Variants in SUFU observed in about 807,000 individuals in gnomAD.
The protein encoded by SUFU is SUFU negative regulator of hedgehog signaling, also known as suppressor of fused homolog.
SUFU carries 7 observed loss-of-function variants against 58.9 expected under a neutral mutation model. The observed-to-expected ratio is 0.12, with a 90% CI of 0.07 to 0.22. The LOEUF is 0.22. Among genes scored for constraint, SUFU ranks in the 10% least tolerant of loss-of-function variants. The pLI, the probability that SUFU is intolerant of heterozygous loss-of-function variation, is 1.00. For missense variants in SUFU, 451 were observed against 641.3 expected, an observed-to-expected ratio of 0.70 and a Z score of 3.20; for synonymous variants, 232 against 254.8, an observed-to-expected ratio of 0.91 and a Z score of 0.85.
intron 3 of SUFU, chr10:102,573,336 G>C (rs2063182251): frequency 2.2e-6 from 1 of 455,218 alleles, no homozygotes; most frequent in African/African-American, 2.0e-5. Context: ...ACAGAAAATA[G>C]TATGTTAGCA....
In SUFU at chr10:102,625,366, G is replaced by A. The variant is rs771238818; in HGVS notation, c.1297-1809G>A. On this transcript the variant is annotated intron_variant, in intron 10 of 11. Coordinates refer to ENST00000369902, the MANE Select transcript of SUFU (RefSeq NM_016169.4). This position sits in a 1 kb window ranked among gnomAD's most constrained non-coding sequence, Gnocchi z 4.7. ...TCGGGGCCCTAGCTCCTAGAACAGA[G>A]AGTTTGGTGAGGAGACGTGGACCAG... 2.0e-5 allele frequency among the ~76,000 whole-genome samples: 3 copies of A among 152,196 alleles called. No homozygotes were observed. Among genetic ancestry groups the A allele is most frequent in the Non-Finnish European group, 2.9e-5 (2 of 68,038 alleles).
chr10:102,580,948 G>A lies in SUFU; in HGVS notation c.455-11634G>A, dbSNP rs529206347. ...TGTAATCCCAGCACTCTGGGAGGCC[G>A]AGACAGGTGGATCACTTGAGGTCAG... On this transcript the variant is annotated intron_variant, in intron 3 of 11. Coordinates refer to ENST00000369902, the MANE Select transcript of SUFU (RefSeq NM_016169.4). 2.6e-5 allele frequency among the ~76,000 whole-genome samples: 4 copies of A among 152,076 alleles called. No individual in the cohort carries two copies. The South Asian group carries it at 8.3e-4, about 32-fold the overall frequency.
At chr10:102,553,618 C>T (rs577784801) in intron 3 of SUFU, among the ~76,000 whole-genome samples, 2 of 152,278 alleles carry the variant, frequency 1.3e-5, no homozygotes, top group East Asian at 1.9e-4. Flanking sequence ...CGCCCGCCAC[C>T]GCGCCCAGCT....
At chr10:102,545,428 C>T (rs11191328) in intron 2 of SUFU, among the ~76,000 whole-genome samples, 52,788 of 151,260 alleles carry the variant, frequency 0.35, 9,350 homozygotes, top group African/African-American at 0.39. Flanking sequence ...GCCACTGCAT[C>T]CAGCCAGGTT....
Position 102,599,423 on chromosome 10 carries a change from G to A in SUFU, c.911-10G>A, listed in dbSNP as rs747454071. On this transcript the variant is annotated splice_polypyrimidine_tract_variant and intron_variant, in intron 7 of 11. Transcript: ENST00000369902. ...CTGGGCCACTGGGCAACTTAGTGGT[G>A]TCGTTGCAGACACAGAGCAGATCCG... The A allele has an allele frequency of 1.9e-6, 3 of 1,608,896 alleles. No homozygotes were observed. The highest frequency in any genetic ancestry group is 1.7e-6 in the Non-Finnish European group (2 of 1,175,402).
At chr10:102,541,183 A>G (rs1269594938) in intron 2 of SUFU, among the ~76,000 whole-genome samples, 1 of 152,096 alleles carries the variant, frequency 6.6e-6, no homozygotes, top group Non-Finnish European at 1.5e-5. Flanking sequence ...AGTATGTGAA[A>G]GCATTATCAC....
chr10:102,534,997 A>C (rs2062719234), intron 2 of SUFU, among the ~76,000 whole-genome samples: 1 of 151,622 alleles, frequency 6.6e-6, no homozygotes, highest in Non-Finnish European at 1.5e-5. Flanking sequence ...GCCCACCTCC[A>C]CCCCCTACCC....
At chr10:102,583,059 C>T (rs887611629) in intron 3 of SUFU, among the ~76,000 whole-genome samples, 4 of 152,090 alleles carry the variant, frequency 2.6e-5, no homozygotes, top group African/African-American at 9.7e-5. Context: ...CAAGAGCTTC[C>T]CAGGGTGGGC....
chr10:102,517,956 C>A (rs779380794), intron 2 of SUFU, among the ~76,000 whole-genome samples: 2 of 152,118 alleles, frequency 1.3e-5, no homozygotes, highest in East Asian at 3.9e-4. Context: ...CTTAAAAATG[C>A]AGCATGTGCT....
At chr10:102,513,962 G>A (rs2062432845) in intron 2 of SUFU, among the ~76,000 whole-genome samples, 1 of 152,100 alleles carries the variant, frequency 6.6e-6, no homozygotes, top group African/African-American at 2.4e-5. Flanking sequence ...ACGGCTCACT[G>A]CAGCCTCAAC....
At chr10:102,588,505 T>C (rs1401492084) in intron 3 of SUFU, among the ~76,000 whole-genome samples, 1 of 152,228 alleles carries the variant, frequency 6.6e-6, no homozygotes, top group Non-Finnish European at 1.5e-5. Context: ...AGTGCCGCAC[T>C]GACTTGGTGA....
chr10:102,582,851 A>T (rs1216273003), intron 3 of SUFU, among the ~76,000 whole-genome samples: 1 of 152,174 alleles, frequency 6.6e-6, no homozygotes, highest in African/African-American at 2.4e-5. Context: ...TGGAATGGCG[A>T]CGTTCTTTCA....
chr10:102,557,044 G>T (rs559230001), intron 3 of SUFU, among the ~76,000 whole-genome samples: 1 of 151,794 alleles, frequency 6.6e-6, no homozygotes, highest in Non-Finnish European at 1.5e-5. Flanking sequence ...TTGCACTACT[G>T]CACTCCAGTC....
intron 3 of SUFU, among the ~76,000 whole-genome samples, chr10:102,576,505 T>C (rs1333150185): frequency 6.6e-6 from 1 of 152,218 alleles, no homozygotes; most frequent in Non-Finnish European, 1.5e-5. Flanking sequence ...CTTTAGGTTG[T>C]TGCCATTTTT....
At chr10:102,505,889 G>C (rs1300004553) in intron 1 of SUFU, among the ~76,000 whole-genome samples, 2 of 152,066 alleles carry the variant, frequency 1.3e-5, no homozygotes, top group Admixed American at 1.3e-4. Context: ...TGATGAACTT[G>C]TTGTCATGTG....
intron 3 of SUFU, among the ~76,000 whole-genome samples, chr10:102,585,972 C>T (rs2063331892): frequency 6.7e-6 from 1 of 150,246 alleles, no homozygotes; most frequent in Admixed American, 6.7e-5. Context: ...GCAACCTCTG[C>T]CTTCCGGGTT....
intron 10 of SUFU, 49 bp from the exon 11 acceptor site, chr10:102,627,126 G>T (rs1002724791): frequency 1.9e-6 from 3 of 1,602,100 alleles, no homozygotes; most frequent in African/African-American, 2.7e-5. Context: ...TTGGCAAAAA[G>T]ATCATACATT....
chr10:102,573,052 G>C (rs2063178535), intron 3 of SUFU: 1 of 837,120 alleles, frequency 1.2e-6, no homozygotes, highest in South Asian at 1.3e-5. Flanking sequence ...GAGGGTACTT[G>C]GGCTGCCTCC....
intron 8 of SUFU, among the ~76,000 whole-genome samples, chr10:102,603,557 A>T (rs2063534529): frequency 1.3e-5 from 2 of 152,194 alleles, no homozygotes; most frequent in African/African-American, 4.8e-5. Context: ...CACCTCTAAA[A>T]AGCGAACTCA....
Sources: allele counts gnomAD v4.1 joint callset (sites outside exome capture counted in the v4.1 genomes callset), GRCh38; gene constraint gnomAD v4.1.1; non-coding constraint Gnocchi (gnomAD v3.1); transcripts MANE v1.5; gene names NCBI Gene and HGNC (gene_info 2026-07-23, HGNC 2026-07-21).